NGB: variants seen among roughly 807,000 people sequenced by gnomAD.
The protein encoded by NGB is nitrite reductase.
In NGB, 12 loss-of-function variants were observed where a neutral mutation model predicts 17.3. The observed-to-expected ratio is 0.69, with a 90% CI of 0.45 to 1.13. The LOEUF is 1.13. NGB is among the 50% of genes most tolerant of loss of function. The pLI, the probability that NGB is intolerant of heterozygous loss-of-function variation, is 0.00. For missense variants in NGB, 195 were observed against 191.7 expected, an observed-to-expected ratio of 1.02 and a Z score of -0.10; for synonymous variants, 87 against 81.0, an observed-to-expected ratio of 1.07 and a Z score of -0.40.
At position 77,269,341 on chromosome 14, in the gene NGB, C is replaced by G. The variant is rs1166843366; in HGVS notation, c.90-15G>C. 6.6e-7 allele frequency: 1 copy of G among 1,523,168 alleles called. No homozygotes were observed. The highest frequency in any genetic ancestry group is 2.0e-5 in the Admixed American group (1 of 50,932). 94.4% of individuals were successfully genotyped at this position (1,523,168 alleles called of 1,614,324 possible). A position where few individuals can be genotyped will look rare whatever the true frequency, so the allele number is the denominator to read the frequency against. ...GGGCAAACAGCCTGTGGGAGTGAGG[C>G]CCAGGTGTTAGCCCTGGGGTGTGAG... is the stretch of plus-strand genomic sequence containing the variant. On this transcript the variant is annotated splice_polypyrimidine_tract_variant and intron_variant, in intron 1 of 3. Coordinates refer to ENST00000298352, the MANE Select transcript of NGB (RefSeq NM_021257.4).
Position 77,266,590 on chromosome 14 carries a change from GCT to G in NGB, c.400_401del (p.Ser134ProfsTer112). 1 of 1,614,176 alleles carries G rather than the reference GCT, an allele frequency of 6.2e-7. No individual in the cohort carries two copies. The highest frequency in any genetic ancestry group is 8.5e-7 in the Non-Finnish European group (1 of 1,180,054). ...AFTPATRAAW[S>X]QLYGAVVQAM... ...CCTGCACTACGGCCCCGTAGAGTTG[GCT>G]CCAGGCAGCCCGTGTGGCTGGTGTG... is the stretch of plus-strand genomic sequence containing the variant. On this transcript the variant is annotated frameshift_variant, in exon 4 of 4. Coordinates refer to ENST00000298352, the MANE Select transcript of NGB (RefSeq NM_021257.4). LOFTEE classifies it high-confidence loss of function.
rs1235801977 is a variant in NGB, at chr14:77,269,293, G to A, written c.123C>T (p.Leu41=). ...LFALEPDLLP[L]FQYNCRQFSS... ...AGAACTGGCGGCAGTTGTACTGGAA[G>A]AGGGGCAGCAGGTCAGGCTCCAGGG... The change falls in exon 2 of 4, where the codon CTC becomes CTT. Residue 41 remains leucine, a synonymous_variant. Coordinates refer to ENST00000298352, the MANE Select transcript of NGB (RefSeq NM_021257.4). 9 of 1,551,710 alleles carry A rather than the reference G, an allele frequency of 5.8e-6. No individual in the cohort carries two copies. The Admixed American group carries it at 1.4e-4, about 24-fold the overall frequency.
intron 1 of NGB, among the ~76,000 whole-genome samples, 162 bp downstream of exon 1, chr14:77,270,687 C>T (rs914651972): frequency 1.3e-5 from 2 of 152,334 alleles, no homozygotes; most frequent in African/African-American, 4.8e-5. Context: ...AGGGGCTGTG[C>T]CACCCGTCGC....
Position 77,271,006 on chromosome 14 carries a change from C to CG in NGB, c.-70dup. The CG allele has an allele frequency of 8.4e-7, 1 of 1,194,804 alleles. No individual in the cohort carries two copies. The highest frequency in any genetic ancestry group is 2.6e-5 in the Admixed American group (1 of 38,110). 74.0% of individuals were successfully genotyped at this position (1,194,804 alleles called of 1,614,324 possible). Reference sequence around the variant, plus strand: ...TCGGGTGCCGTCACCGCACGTGCCGCGCCATCTCCTCCGCGACGCGGTCCC... The same window carrying CG: ...TCGGGTGCCGTCACCGCACGTGCCGCGGCCATCTCCTCCGCGACGCGGTCCC... On this transcript the variant is annotated 5_prime_UTR_variant, in exon 1 of 4. The change abolishes the stop of an existing upstream ORF in the 5' untranslated region. Coordinates refer to ENST00000298352, the MANE Select transcript of NGB (RefSeq NM_021257.4).
intron 3 of NGB, among the ~76,000 whole-genome samples, chr14:77,268,117 G>C (rs1889698617): frequency 6.6e-6 from 1 of 152,220 alleles, no homozygotes; most frequent in Non-Finnish European, 1.5e-5. Flanking sequence ...TACACCATGT[G>C]GAGCAGAAGA....
At chr14:77,270,766 C>T (rs1037602790) in intron 1 of NGB, 83 bp downstream of exon 1, 3 of 1,273,264 alleles carry the variant, frequency 2.4e-6, no homozygotes, top group African/African-American at 3.1e-5. Context: ...GTTTTCCCTC[C>T]TTCGGGGCCG....
At chr14:77,269,898 T>C (rs1003356407) in intron 1 of NGB, among the ~76,000 whole-genome samples, 3 of 143,912 alleles carry the variant, frequency 2.1e-5, no homozygotes, top group East Asian at 2.1e-4. Flanking sequence ...ACAACTGTTA[T>C]CCCAGTTTTA....
In NGB at chr14:77,266,179, C is replaced by T. The variant is rs772214448; in HGVS notation, c.*357G>A. ...CTTGGCCTGCACTCACCTGAAGAAG[C>T]AGGACAGACAGAAGAGCCCCATCCT... On this transcript the variant is annotated 3_prime_UTR_variant, in exon 4 of 4. Coordinates refer to ENST00000298352, the MANE Select transcript of NGB (RefSeq NM_021257.4). 3.6e-6 allele frequency: 2 copies of T among 556,462 alleles called. No individual in the cohort carries two copies. The highest frequency in any genetic ancestry group is 1.9e-5 in the Admixed American group (1 of 52,224). 34.5% of individuals were successfully genotyped at this position (556,462 alleles called of 1,614,324 possible). A position where few individuals can be genotyped will look rare whatever the true frequency, so the allele number is the denominator to read the frequency against.
chr14:77,271,043 G>T lies in NGB; in HGVS notation c.-106C>A. 2.5e-6 allele frequency: 2 copies of T among 802,882 alleles called. No homozygotes were observed. Among genetic ancestry groups the T allele is most frequent in the Non-Finnish European group, 3.6e-6 (2 of 549,020 alleles). 49.7% of individuals were successfully genotyped at this position (802,882 alleles called of 1,614,324 possible). A position where few individuals can be genotyped will look rare whatever the true frequency, so the allele number is the denominator to read the frequency against. On this transcript the variant is annotated 5_prime_UTR_variant, in exon 1 of 4. Transcript: ENST00000298352. ...CGCGACGCGGTCCCCTCCGCCCCTC[G>T]TACGCCCCCCGTGCCTCCGCCCGGC...
At chr14:77,267,280 C>T (rs895817427) in intron 3 of NGB, among the ~76,000 whole-genome samples, 1 of 152,216 alleles carries the variant, frequency 6.6e-6, no homozygotes, top group African/African-American at 2.4e-5. Flanking sequence ...GTAGCTCACG[C>T]CTATAATCCC....
At position 77,271,021 on chromosome 14, in the gene NGB, G is replaced by T. The variant is rs979434308; in HGVS notation, c.-84C>A. On this transcript the variant is annotated 5_prime_UTR_variant, in exon 1 of 4. Transcript: ENST00000298352. ...GCACGTGCCGCGCCATCTCCTCCGC[G>T]ACGCGGTCCCCTCCGCCCCTCGTAC... 35 of 1,035,954 alleles carry T rather than the reference G, an allele frequency of 3.4e-5. No homozygotes were observed. The highest frequency in any genetic ancestry group is 4.2e-5 in the Non-Finnish European group (31 of 745,158). The allele number at this position is 1,035,954 out of a possible 1,614,324, so 64.2% of individuals were successfully genotyped here.
At chr14:77,268,661 G>A in intron 2 of NGB, 76 bp from the exon 3 acceptor site, 1 of 1,584,986 alleles carries the variant, frequency 6.3e-7, no homozygotes, top group Non-Finnish European at 8.6e-7. Context: ...CCCAAGGCAT[G>A]AGGGTCCCAA....
At position 77,270,872 on chromosome 14, in the gene NGB, C is replaced by T; in HGVS notation, c.66G>A (p.Glu22=). Residue 22 remains glutamate, a synonymous_variant, in exon 1 of 4, where the codon GAG becomes GAA. Coordinates refer to ENST00000298352, the MANE Select transcript of NGB (RefSeq NM_021257.4). ...ACCTGGCAAACAGGACGGTGCCGTG[C>T]TCCAGCGGGCTGCGGCTCACTGCCC... is the stretch of plus-strand genomic sequence containing the variant. ...SWRAVSRSPL[E]HGTVLFARLF... is the part of the protein sequence containing the mutation. 2 of 1,586,036 alleles carry T rather than the reference C, an allele frequency of 1.3e-6. No individual in the cohort carries two copies. Among genetic ancestry groups the T allele is most frequent in the Non-Finnish European group, 1.7e-6 (2 of 1,172,604 alleles).
intron 3 of NGB, among the ~76,000 whole-genome samples, chr14:77,267,935 G>A (rs1314142167): frequency 6.6e-6 from 1 of 152,232 alleles, no homozygotes; most frequent in Non-Finnish European, 1.5e-5. Flanking sequence ...TCACACTGGG[G>A]CTTGTCCTCT....
rs1335391534 is a variant in NGB, at chr14:77,269,149, C to T, written c.201+66G>A. 8 of 1,037,854 alleles carry T rather than the reference C, an allele frequency of 7.7e-6. No individual in the cohort carries two copies. In the Admixed American group the frequency reaches 1.6e-4, roughly 21 times the overall value. 64.3% of individuals were successfully genotyped at this position (1,037,854 alleles called of 1,614,324 possible). A position where few individuals can be genotyped will look rare whatever the true frequency, so the allele number is the denominator to read the frequency against. On this transcript the variant is annotated intron_variant, in intron 2 of 3. Coordinates refer to ENST00000298352, the MANE Select transcript of NGB (RefSeq NM_021257.4). ...GACCTGGGGCAGAAAGTCATTTTCT[C>T]CATTCTCCACCAGGGAGGTGCTCTG...
chr14:77,266,433 G>T lies in NGB; in HGVS notation c.*103C>A. ...ATCACCTCTCCAGTGTGGCCAAGGGGACAAGGACCAAGATGCAGGGAAGCT... is the reference window on the plus strand; with the variant it reads ...ATCACCTCTCCAGTGTGGCCAAGGGTACAAGGACCAAGATGCAGGGAAGCT... On this transcript the variant is annotated 3_prime_UTR_variant, in exon 4 of 4. Coordinates refer to ENST00000298352, the MANE Select transcript of NGB (RefSeq NM_021257.4). 2.7e-6 allele frequency: 4 copies of T among 1,502,550 alleles called. No homozygotes were observed. The highest frequency in any genetic ancestry group is 3.7e-6 in the Non-Finnish European group (4 of 1,092,564). 93.1% of individuals were successfully genotyped at this position (1,502,550 alleles called of 1,614,324 possible). A position where few individuals can be genotyped will look rare whatever the true frequency, so the allele number is the denominator to read the frequency against.
In NGB at chr14:77,270,932, C is replaced by A; in HGVS notation, c.6G>T (p.Glu2Asp). The A allele has an allele frequency of 5.8e-6, 9 of 1,551,288 alleles. No homozygotes were observed. Among genetic ancestry groups the A allele is most frequent in the Non-Finnish European group, 7.8e-6 (9 of 1,155,024 alleles). Residue 2 changes from glutamate to aspartate, a missense_variant, in exon 1 of 4, where the codon GAG (glutamate) becomes GAT (aspartate). Physicochemically the swap from Glu to Asp is conservative, Grantham distance 45. Transcript: ENST00000298352. M[E>D]RPEPELIRQS... ...GCCGGATCAGCTCGGGCTCCGGGCG[C>A]TCCATGCTGTCCCGGGGACGCGGAG...
chr14:77,270,961 G>C lies in NGB; in HGVS notation c.-24C>G, dbSNP rs1312693028. 1.3e-6 allele frequency: 2 copies of C among 1,508,132 alleles called. No individual in the cohort carries two copies. The highest frequency in any genetic ancestry group is 1.2e-5 in the South Asian group (1 of 82,202). The allele number at this position is 1,508,132 out of a possible 1,614,324, so 93.4% of individuals were successfully genotyped here. A position where few individuals can be genotyped will look rare whatever the true frequency, so the allele number is the denominator to read the frequency against. ...ATGCTGTCCCGGGGACGCGGAGCGC[G>C]GGGCTGGGACCCTCAGGGCTCGGGT... On this transcript the variant is annotated 5_prime_UTR_variant, in exon 1 of 4. Coordinates refer to ENST00000298352, the MANE Select transcript of NGB (RefSeq NM_021257.4).
At chr14:77,270,118 G>T (rs1480452084) in intron 1 of NGB, among the ~76,000 whole-genome samples, 1 of 152,000 alleles carries the variant, frequency 6.6e-6, no homozygotes, top group East Asian at 1.9e-4. Flanking sequence ...CGGAAGCCTG[G>T]GTAGAAGTTC....
Sources: allele counts gnomAD v4.1 joint callset (sites outside exome capture counted in the v4.1 genomes callset), GRCh38; gene constraint gnomAD v4.1.1; transcripts MANE v1.5; gene names NCBI Gene and HGNC (gene_info 2026-07-23, HGNC 2026-07-21).